MEI4: variants seen among roughly 807,000 people sequenced by gnomAD.
The protein encoded by MEI4 is meiosis-specific protein MEI4.
Under a neutral mutation model 31.4 loss-of-function variants are expected in MEI4, and 27 were observed. That is an observed-to-expected ratio of 0.86 (90% confidence interval 0.63 to 1.19). The LOEUF (loss-of-function observed/expected upper bound fraction) is 1.19. Among genes scored for constraint, MEI4 ranks in the 50% most tolerant of loss-of-function variants. The pLI is 0.00. For synonymous variants in MEI4, 122 were observed against 145.4 expected (o/e 0.84, Z 1.16); for missense variants, 329 against 398.9 (o/e 0.82, Z 1.49).
At chr6:77,716,286 A>G (rs1766581351) in intron 2 of MEI4, among the ~76,000 whole-genome samples, 1 of 152,238 alleles carries the variant, frequency 6.6e-6, no homozygotes, top group Non-Finnish European at 1.5e-5. Context: ...CTGAAGATTG[A>G]ACATTAGTCA....
intron 2 of MEI4, among the ~76,000 whole-genome samples, chr6:77,753,296 A>G (rs1582104787): frequency 6.6e-6 from 1 of 152,354 alleles, no homozygotes; most frequent in African/African-American, 2.4e-5. Flanking sequence ...AGAAGAAACT[A>G]TCATCAGAGT....
intron 4 of MEI4, among the ~76,000 whole-genome samples, chr6:77,860,137 G>C (rs1195950849): frequency 6.6e-6 from 1 of 152,178 alleles, no homozygotes; most frequent in East Asian, 1.9e-4. Flanking sequence ...TCATTTTGCA[G>C]ATGACTAGAC....
At chr6:77,852,587 T>TTG (rs895178071) in intron 4 of MEI4, among the ~76,000 whole-genome samples, 2 of 76,522 alleles carry the variant, frequency 2.6e-5, no homozygotes, top group East Asian at 3.1e-4. Flanking sequence ...TGTTGTTTGT[T>TTG]TTTTTTTTTT....
intron 3 of MEI4, among the ~76,000 whole-genome samples, chr6:77,790,327 C>T (rs1330211973): frequency 6.6e-6 from 1 of 151,674 alleles, no homozygotes; most frequent in Non-Finnish European, 1.5e-5. Flanking sequence ...GGGTGCAGCA[C>T]ACCAACATGG....
intron 1 of MEI4, among the ~76,000 whole-genome samples, chr6:77,678,383 G>C (rs1348903886): frequency 1.3e-5 from 2 of 152,116 alleles, no homozygotes; most frequent in Non-Finnish European, 2.9e-5. Flanking sequence ...CAAATTTTGA[G>C]GAAGGCAAGT....
At chr6:77,789,420 T>C (rs1213589626) in intron 3 of MEI4, among the ~76,000 whole-genome samples, 1 of 152,172 alleles carries the variant, frequency 6.6e-6, no homozygotes, top group Non-Finnish European at 1.5e-5. Context: ...CTAATTAAGC[T>C]AAAGTGTTCC....
intron 2 of MEI4, among the ~76,000 whole-genome samples, chr6:77,732,767 C>T (rs377661658): frequency 8.6e-5 from 13 of 151,824 alleles, no homozygotes; most frequent in Admixed American, 5.2e-4. Flanking sequence ...TGTGGGTTTG[C>T]CATAGATAGC....
intron 4 of MEI4, among the ~76,000 whole-genome samples, chr6:77,882,960 A>C (rs1771523579): frequency 6.6e-6 from 1 of 152,212 alleles, no homozygotes; most frequent in Non-Finnish European, 1.5e-5. Context: ...TATTTTAGAT[A>C]TATCTTTGAT....
chr6:77,890,711 A>G (rs961049530), intron 4 of MEI4, among the ~76,000 whole-genome samples: 5 of 152,286 alleles, frequency 3.3e-5, no homozygotes, highest in Non-Finnish European at 4.4e-5. Context: ...CTAATCCTGA[A>G]TTATAGTTCC....
intron 3 of MEI4, among the ~76,000 whole-genome samples, chr6:77,796,227 CATT>C (rs377457952): frequency 3.3e-5 from 5 of 152,190 alleles, no homozygotes; most frequent in African/African-American, 9.6e-5. Flanking sequence ...TGCACTTCAA[CATT>C]ATAAAGACCA....
chr6:77,777,477 TA>T (rs1183317868), intron 3 of MEI4, among the ~76,000 whole-genome samples: 1 of 152,058 alleles, frequency 6.6e-6, no homozygotes, highest in African/African-American at 2.4e-5. Flanking sequence ...CCACAATCAG[TA>T]AAAGACTGGA....
At chr6:77,887,322 ACT>A (rs1491510370) in intron 4 of MEI4, among the ~76,000 whole-genome samples, 1 of 150,718 alleles carries the variant, frequency 6.6e-6, no homozygotes, top group Non-Finnish European at 1.5e-5. Context: ...ATGGAGTCTC[ACT>A]TTTGTCGCCC....
At chr6:77,780,891 T>C (rs2127690732) in intron 3 of MEI4, among the ~76,000 whole-genome samples, 1 of 152,126 alleles carries the variant, frequency 6.6e-6, no homozygotes, top group South Asian at 2.1e-4. Flanking sequence ...TATATGAATA[T>C]TAATATTTAT....
intron 2 of MEI4, among the ~76,000 whole-genome samples, chr6:77,733,222 C>T (rs1359376682): frequency 1.3e-5 from 2 of 151,836 alleles, no homozygotes; most frequent in African/African-American, 4.9e-5. Flanking sequence ...CTCCTAGTAC[C>T]TCTGGTAGAA....
chr6:77,870,154 C>T (rs980822929), intron 4 of MEI4, among the ~76,000 whole-genome samples: 1 of 152,158 alleles, frequency 6.6e-6, no homozygotes, highest in African/African-American at 2.4e-5. Context: ...GAAAGTGATA[C>T]CCATGCAATA....
intron 2 of MEI4, among the ~76,000 whole-genome samples, chr6:77,730,079 A>G (rs1766934094): frequency 6.6e-6 from 1 of 152,038 alleles, no homozygotes; most frequent in Admixed American, 6.6e-5. Flanking sequence ...ATTCTCTTGG[A>G]GAAAGGCTTG....
rs930408349 is a variant in MEI4, at chr6:77,926,438, A to G, written c.*3092A>G. ...TTAGGTAGACTGTGAGGCTGTAATG[A>G]TAAGCAAAATGGGGAGAGAAAACAA... On this transcript the variant is annotated 3_prime_UTR_variant, in exon 5 of 5. Transcript: ENST00000684080. 2.6e-5 allele frequency: 4 copies of G among 151,896 alleles called. No individual in the cohort carries two copies. The highest frequency in any genetic ancestry group is 9.7e-5 in the African/African-American group (4 of 41,402). The allele number at this position is 151,896 out of a possible 1,614,324, so 9.4% of individuals were successfully genotyped here. A position where few individuals can be genotyped will look rare whatever the true frequency, so the allele number is the denominator to read the frequency against.
intron 1 of MEI4, among the ~76,000 whole-genome samples, chr6:77,665,426 C>T (rs1045824149): frequency 5.9e-5 from 9 of 151,784 alleles, no homozygotes; most frequent in East Asian, 5.9e-4. Context: ...CCCAGGAAAG[C>T]GGGACTTGCC....
intron 4 of MEI4, among the ~76,000 whole-genome samples, chr6:77,896,056 AG>A (rs1394711678): frequency 1.3e-5 from 2 of 152,170 alleles, no homozygotes; most frequent in Non-Finnish European, 2.9e-5. Context: ...AGTATAAAAT[AG>A]GGAAAGTTTC....
Sources: gnomAD v4.1 joint callset for allele counts (sites outside exome capture counted in the v4.1 genomes callset) on GRCh38, gnomAD v4.1.1 for gene constraint, MANE v1.5 for transcripts, NCBI Gene and HGNC (gene_info 2026-07-23, HGNC 2026-07-21) for gene names.